FOXN3: variants seen among roughly 807,000 people sequenced by gnomAD.
FOXN3 encodes forkhead box protein N3.
A neutral mutation model predicts 38.4 loss-of-function variants in FOXN3; 7 were observed. That is an observed-to-expected ratio of 0.18 (90% confidence interval 0.10 to 0.34). The LOEUF (loss-of-function observed/expected upper bound fraction) is 0.34, where lower values mean the gene tolerates loss of function less well. FOXN3 is among the 10% of genes least tolerant of loss of function. The probability of loss-of-function intolerance (pLI) is 1.00; values close to 1 mark genes in which losing one functional copy is unlikely to be tolerated. For synonymous variants in FOXN3, 230 were observed against 242.2 expected (o/e 0.95, Z 0.47); for missense variants, 456 against 613.4 (o/e 0.74, Z 2.71).
chr14:89,284,984 C>A (rs1886576621), intron 3 of FOXN3, among the ~76,000 whole-genome samples: 1 of 152,168 alleles, frequency 6.6e-6, no homozygotes, highest in South Asian at 2.1e-4. Context: ...CCTGAGTCAA[C>A]AGGTCGGACA....
intron 1 of FOXN3, among the ~76,000 whole-genome samples, chr14:89,510,373 C>A (rs1596302678): frequency 6.6e-6 from 1 of 152,212 alleles, no homozygotes; most frequent in South Asian, 2.1e-4. Context: ...ATGACAGCCA[C>A]AGAACCAGAG....
chr14:89,596,653 G>A (rs1285666725), intron 1 of FOXN3, among the ~76,000 whole-genome samples: 1 of 152,040 alleles, frequency 6.6e-6, no homozygotes, highest in Non-Finnish European at 1.5e-5. Context: ...AAAACTATCT[G>A]GATCTGAAGT....
At chr14:89,500,437 G>A (rs1030215769) in intron 1 of FOXN3, among the ~76,000 whole-genome samples, 1 of 152,180 alleles carries the variant, frequency 6.6e-6, no homozygotes, top group South Asian at 2.1e-4. Flanking sequence ...CATCTGGCAT[G>A]ATAGAGACTG....
At chr14:89,351,684 C>T (rs907127118) in intron 2 of FOXN3, among the ~76,000 whole-genome samples, 10 of 152,204 alleles carry the variant, frequency 6.6e-5, no homozygotes, top group Non-Finnish European at 1.5e-4. Context: ...ACCGAATGTA[C>T]CCAAACTGTT....
intron 1 of FOXN3, among the ~76,000 whole-genome samples, chr14:89,429,385 C>T (rs188494995): frequency 1.3e-5 from 2 of 152,276 alleles, no homozygotes; most frequent in East Asian, 1.9e-4. Context: ...AGCCTGGCTC[C>T]GCTGCCTCTC....
chr14:89,348,251 A>G (rs1888828866), intron 3 of FOXN3, among the ~76,000 whole-genome samples: 1 of 152,032 alleles, frequency 6.6e-6, no homozygotes, highest in Non-Finnish European at 1.5e-5. Flanking sequence ...CTGACGGGTG[A>G]TTCCCCGCAT....
chr14:89,379,817 T>C (rs558624107), intron 2 of FOXN3, among the ~76,000 whole-genome samples: 2 of 152,132 alleles, frequency 1.3e-5, no homozygotes, highest in African/African-American at 2.4e-5. Context: ...CCCACCACCA[T>C]GTCTAGCTAA....
At chr14:89,377,050 A>AAAAAAAAAAAAAAC (rs1890501739) in intron 2 of FOXN3, among the ~76,000 whole-genome samples, 1 of 139,032 alleles carries the variant, frequency 7.2e-6, no homozygotes, top group Non-Finnish European at 1.5e-5. Flanking sequence ...AAAAAAAAAA[A>AAAAAAAAAAAAAAC]AAAAGCTTGA....
At chr14:89,567,955 C>T (rs1049101169) in intron 1 of FOXN3, among the ~76,000 whole-genome samples, 5 of 151,952 alleles carry the variant, frequency 3.3e-5, no homozygotes, top group African/African-American at 1.2e-4. Context: ...ATCTCCTGAC[C>T]TCGTGATCCA....
At chr14:89,236,025 C>A (rs1596122082) in intron 4 of FOXN3, among the ~76,000 whole-genome samples, 2 of 152,310 alleles carry the variant, frequency 1.3e-5, no homozygotes, top group East Asian at 3.9e-4. Context: ...TAAGGAGTGG[C>A]AGAGCTGGCG....
intron 1 of FOXN3, among the ~76,000 whole-genome samples, chr14:89,604,067 A>G (rs1896215192): frequency 6.6e-6 from 1 of 152,240 alleles, no homozygotes; most frequent in Non-Finnish European, 1.5e-5. Flanking sequence ...TGAGAATTTT[A>G]AGTCCTTGCT....
chr14:89,519,181 A>G (rs1377968967), intron 1 of FOXN3, among the ~76,000 whole-genome samples: 1 of 152,184 alleles, frequency 6.6e-6, no homozygotes, highest in African/African-American at 2.4e-5. Flanking sequence ...CCCCAGCTGC[A>G]GATGCCTGCG....
At chr14:89,468,878 G>A (rs1174856714) in intron 1 of FOXN3, among the ~76,000 whole-genome samples, 1 of 152,126 alleles carries the variant, frequency 6.6e-6, no homozygotes, top group Non-Finnish European at 1.5e-5. Context: ...ATTCCAAAGG[G>A]TGAACTTGCT....
In FOXN3 at chr14:89,538,436, T is replaced by C. The variant is rs562052944; in HGVS notation, c.-15+80592A>G. Among the ~76,000 whole-genome samples the C allele has an allele frequency of 1.1e-4, 16 of 152,292 alleles. No individual in the cohort carries two copies. The East Asian group carries it at 3.1e-3, about 29-fold the overall frequency. The stretch of plus-strand genomic sequence containing the variant: ...CCAGGTAAAGAATAAAAACAGAATT[T>C]TGAAGTGAAGACAGAATGAAGCAGG... On this transcript the variant is annotated intron_variant, in intron 1 of 6. Transcript: ENST00000345097.
intron 4 of FOXN3, among the ~76,000 whole-genome samples, chr14:89,226,433 G>A (rs576444642): frequency 4.5e-4 from 69 of 152,078 alleles, no homozygotes; most frequent in African/African-American, 1.6e-3. Context: ...ACACCACCAC[G>A]CCCAGGTAAG....
Position 89,221,596 on chromosome 14 carries a change from C to T in FOXN3, c.746-40790G>A, listed in dbSNP as rs1884464088. Among the ~76,000 whole-genome samples, 3 of 152,132 alleles carry T rather than the reference C, an allele frequency of 2.0e-5. No homozygotes were observed. In the South Asian group the frequency reaches 6.2e-4, roughly 32 times the overall value. On this transcript the variant is annotated intron_variant, in intron 4 of 5. Coordinates refer to ENST00000557258, the MANE Select transcript of FOXN3 (RefSeq NM_005197.4). ...TTTTCTTCAACACAGTCATAAAGAA[C>T]TTGATTTTGCCAACTTCCTCACTGG...
At chr14:89,517,650 G>A (rs1894233830) in intron 1 of FOXN3, among the ~76,000 whole-genome samples, 1 of 152,086 alleles carries the variant, frequency 6.6e-6, no homozygotes, top group African/African-American at 2.4e-5. Context: ...CCAACACTGG[G>A]GATTACATTT....
At chr14:89,450,612 G>A (rs1892596458) in intron 1 of FOXN3, among the ~76,000 whole-genome samples, 1 of 148,900 alleles carries the variant, frequency 6.7e-6, no homozygotes, top group African/African-American at 2.5e-5. Flanking sequence ...TTTAGACAGA[G>A]TCTCGCCCTG....
At chr14:89,315,801 T>A (rs1344260052) in intron 3 of FOXN3, among the ~76,000 whole-genome samples, 1 of 152,148 alleles carries the variant, frequency 6.6e-6, no homozygotes, top group Non-Finnish European at 1.5e-5. Context: ...TGGGACTGAG[T>A]GCCCATCAAT....
Sources: allele counts gnomAD v4.1 joint callset (sites outside exome capture counted in the v4.1 genomes callset), GRCh38; gene constraint gnomAD v4.1.1; transcripts MANE v1.5; gene names NCBI Gene and HGNC (gene_info 2026-07-23, HGNC 2026-07-21).